The following S100Z variants were observed in gnomAD, a reference collection of about 807,000 sequenced individuals.
S100Z encodes the protein S100 calcium binding protein Z.
S100Z carries 11 observed loss-of-function variants against 8.5 expected under a neutral mutation model. The observed-to-expected ratio is 1.30, with a 90% CI of 0.82 to 2.15. The LOEUF (loss-of-function observed/expected upper bound fraction) is 2.15, where lower values mean the gene tolerates loss of function less well. Among genes scored for constraint, S100Z ranks in the 30% most tolerant of loss-of-function variants. The probability of loss-of-function intolerance (pLI) is 0.00; values close to 1 mark genes in which losing one functional copy is unlikely to be tolerated. For synonymous variants in S100Z, 34 were observed against 43.8 expected (o/e 0.78, Z 0.89); for missense variants, 126 against 117.9 (o/e 1.07, Z -0.32).
At chr5:76,947,409 C>T in the S100Z span, among the ~76,000 whole-genome samples, 2 of 152,176 alleles carry the variant, frequency 1.3e-5, no homozygotes, top group Admixed American at 6.6e-5. Context: ...CTATGTGCTT[C>T]GTTTCTTCCT....
chr5:76,916,278 C>T lies in S100Z; in HGVS notation c.*3-4439C>T, dbSNP rs375468340. 1.6e-4 allele frequency among the ~76,000 whole-genome samples: 24 copies of T among 151,506 alleles called. No homozygotes were observed. The East Asian group carries it at 3.5e-3, about 22-fold the overall frequency. On this transcript the variant is annotated intron_variant, in intron 4 of 4. Coordinates refer to ENST00000317593, the MANE Select transcript of S100Z (RefSeq NM_130772.4). ...ATATATGTACCAAATAACAGAACTA[C>T]AAAATATGTAAAGCAAAAACTGATA... is the stretch of plus-strand genomic sequence containing the variant.
intron 4 of S100Z, among the ~76,000 whole-genome samples, chr5:76,882,260 A>G (rs1357317107): frequency 6.6e-6 from 1 of 152,226 alleles, no homozygotes; most frequent in Non-Finnish European, 1.5e-5. Context: ...GCCACTGCAC[A>G]CAGACATGAA....
the S100Z span, among the ~76,000 whole-genome samples, chr5:76,948,339 A>AAATAAATAAATG: frequency 6.6e-6 from 1 of 151,930 alleles, no homozygotes; most frequent in South Asian, 2.1e-4. Flanking sequence ...ATAAATAAAT[A>AAATAAATAAATG]AATAAATAAA....
intron 1 of S100Z, among the ~76,000 whole-genome samples, chr5:76,868,047 A>G (rs976855749): frequency 6.6e-6 from 1 of 152,244 alleles, no homozygotes; most frequent in African/African-American, 2.4e-5. Flanking sequence ...CCTCTGTGCT[A>G]TCAACAGGTG....
At chr5:76,935,938 G>T in the S100Z span, among the ~76,000 whole-genome samples, 1 of 151,890 alleles carries the variant, frequency 6.6e-6, no homozygotes. Context: ...CACCACACCG[G>T]GCTAATTTTT....
intron 4 of S100Z, among the ~76,000 whole-genome samples, chr5:76,892,233 A>C (rs997296355): frequency 6.6e-5 from 10 of 152,190 alleles, no homozygotes; most frequent in Admixed American, 2.0e-4. Flanking sequence ...TTGGCAGAAC[A>C]AGAGTTTTAT....
Position 76,875,374 on chromosome 5 carries a change from C to T in S100Z, c.15C>T (p.Leu5=), listed in dbSNP as rs747413826. 1.9e-6 allele frequency: 3 copies of T among 1,610,912 alleles called. No homozygotes were observed. Among genetic ancestry groups the T allele is most frequent in the Admixed American group, 1.7e-5 (1 of 59,532 alleles). Residue 5 remains leucine, a synonymous_variant, in exon 3 of 5, where the codon CTC becomes CTT. Coordinates refer to ENST00000317593, the MANE Select transcript of S100Z (RefSeq NM_130772.4). The part of the protein sequence containing the change: MPTQ[L]EMAMDTMIRI... ...CTGCTGCCGACATGCCCACCCAGCTCGAGATGGCCATGGACACCATGATTA... is the reference window on the plus strand; with the variant it reads ...CTGCTGCCGACATGCCCACCCAGCTTGAGATGGCCATGGACACCATGATTA...
chr5:76,914,229 CAG>C (rs1744775344), intron 4 of S100Z, among the ~76,000 whole-genome samples: 1 of 152,020 alleles, frequency 6.6e-6, no homozygotes, highest in African/African-American at 2.4e-5. Context: ...TTCCCAACAG[CAG>C]TTGGGGCATC....
downstream of S100Z, among the ~76,000 whole-genome samples, chr5:76,925,716 C>G (rs1258394468): frequency 6.6e-6 from 1 of 152,076 alleles, no homozygotes; most frequent in East Asian, 1.9e-4. Context: ...CCTGTGATCC[C>G]AACACTTTAA....
chr5:76,938,942 G>C, the S100Z span, among the ~76,000 whole-genome samples: 1 of 151,992 alleles, frequency 6.6e-6, no homozygotes, highest in Non-Finnish European at 1.5e-5. Flanking sequence ...GCCTCCCTAT[G>C]ACATGGCCAG....
intron 4 of S100Z, among the ~76,000 whole-genome samples, chr5:76,893,157 C>T (rs561479118): frequency 6.6e-6 from 1 of 152,182 alleles, no homozygotes; most frequent in South Asian, 2.1e-4. Context: ...AAAGTGTCTA[C>T]TATATAATAT....
At chr5:76,882,916 G>A (rs1580018770) in intron 4 of S100Z, among the ~76,000 whole-genome samples, 2 of 152,138 alleles carry the variant, frequency 1.3e-5, no homozygotes, top group African/African-American at 2.4e-5. Context: ...GTGGTATTGA[G>A]GATAGGAGAG....
the S100Z span, among the ~76,000 whole-genome samples, chr5:76,940,409 C>CT: frequency 7.4e-5 from 11 of 147,970 alleles, no homozygotes; most frequent in Admixed American, 1.3e-4. Context: ...CAATTTTTTT[C>CT]TTTTTTTTTT....
the S100Z span, among the ~76,000 whole-genome samples, chr5:76,945,446 C>T: frequency 6.6e-6 from 1 of 152,180 alleles, no homozygotes; most frequent in Non-Finnish European, 1.5e-5. Flanking sequence ...TCTCTGTCTC[C>T]TGCCTGCCCC....
the S100Z span, among the ~76,000 whole-genome samples, chr5:76,943,571 G>A: frequency 6.6e-6 from 1 of 151,972 alleles, no homozygotes; most frequent in African/African-American, 2.4e-5. Context: ...CTACCCATTC[G>A]GTGCCCAGGA....
chr5:76,865,498 C>T (rs1044616268), intron 1 of S100Z, among the ~76,000 whole-genome samples: 74 of 151,104 alleles, frequency 4.9e-4, no homozygotes, highest in African/African-American at 1.4e-3. Flanking sequence ...CCACCTGCCT[C>T]GGCCTCCCAA....
the S100Z span, among the ~76,000 whole-genome samples, chr5:76,930,558 C>G: frequency 6.6e-6 from 1 of 152,144 alleles, no homozygotes; most frequent in African/African-American, 2.4e-5. Flanking sequence ...GGTGATTGGA[C>G]CAAACCCTTC....
At chr5:76,898,831 C>T (rs1356915901) in intron 4 of S100Z, among the ~76,000 whole-genome samples, 3 of 151,794 alleles carry the variant, frequency 2.0e-5, no homozygotes, top group Non-Finnish European at 4.4e-5. Context: ...AGGAGTGTTT[C>T]CTCCTCTATT....
At chr5:76,877,916 A>AAAGTGTTGGTGTTTCCTCATCTGTTTATT in intron 4 of S100Z, 82 bp downstream of exon 4, 1 of 849,512 alleles carries the variant, frequency 1.2e-6, no homozygotes, top group Non-Finnish European at 1.9e-6. Flanking sequence ...AGATCTATAG[A>AAAGTGTTGGTGTTTCCTCATCTGTTTATT]CCCAGTAATG....
Sources: gnomAD v4.1 joint callset for allele counts (sites outside exome capture counted in the v4.1 genomes callset) on GRCh38, gnomAD v4.1.1 for gene constraint, MANE v1.5 for transcripts, NCBI Gene and HGNC (gene_info 2026-07-23, HGNC 2026-07-21) for gene names.